The following TG variants were observed in gnomAD, a reference collection of about 807,000 sequenced individuals.
TG encodes the protein thyroid hormones.
A neutral mutation model predicts 324.7 loss-of-function variants in TG; 270 were observed. That is an observed-to-expected ratio of 0.83 (90% CI 0.75 to 0.92). The LOEUF (loss-of-function observed/expected upper bound fraction) is 0.92, where lower values mean the gene tolerates loss of function less well. TG is among the 40% of genes least tolerant of loss of function. The probability of loss-of-function intolerance (pLI) is 0.00; values close to 1 mark genes in which losing one functional copy is unlikely to be tolerated. For synonymous variants in TG, 1,401 were observed against 1,327.0 expected (o/e 1.06, Z -1.21); for missense variants, 3,591 against 3,456.4 (o/e 1.04, Z -0.98).
chr8:132,995,143 A>G (rs1457738885), intron 35 of TG: 1 of 971,700 alleles, frequency 1.0e-6, no homozygotes, highest in Middle Eastern at 5.3e-4. Flanking sequence ...TCTCTGTTCT[A>G]ATTCTATTCC....
intron 34 of TG, among the ~76,000 whole-genome samples, chr8:132,977,846 G>A (rs1830365661): frequency 6.6e-6 from 1 of 152,176 alleles, no homozygotes; most frequent in African/African-American, 2.4e-5. Flanking sequence ...CCCTGTTTCT[G>A]AGGAATTGCC....
chr8:132,886,512 A>G lies in TG; in HGVS notation c.1140A>G (p.Ser380=), dbSNP rs534691248. 16 of 1,614,172 alleles carry G rather than the reference A, an allele frequency of 9.9e-6. No individual in the cohort carries two copies. The East Asian group carries it at 3.6e-4, about 36-fold the overall frequency. Residue 380 remains serine, a synonymous_variant, in exon 9 of 48, where the codon TCA becomes TCG. Transcript: ENST00000220616. ...QALSRLYFGT[S]GYFSQHDLFS... ...TGTCCAGACTCTACTTTGGGACCTCAGGCTACTTCAGCCAGCACGACCTGT... is the reference window on the plus strand; with the variant it reads ...TGTCCAGACTCTACTTTGGGACCTCGGGCTACTTCAGCCAGCACGACCTGT...
chr8:132,937,984 G>A (rs1001892913), intron 25 of TG, among the ~76,000 whole-genome samples: 2 of 152,084 alleles, frequency 1.3e-5, no homozygotes, highest in Admixed American at 6.6e-5. Flanking sequence ...TCTAGACCCG[G>A]GTGGAGTGGA....
intron 41 of TG, among the ~76,000 whole-genome samples, chr8:133,071,342 C>A (rs1843994789): frequency 6.6e-6 from 1 of 152,216 alleles, no homozygotes; most frequent in Non-Finnish European, 1.5e-5. Flanking sequence ...GGAGGTGGTA[C>A]TGGAATCCAG....
chr8:132,964,304 A>G (rs1192712440), intron 29 of TG, among the ~76,000 whole-genome samples: 1 of 152,052 alleles, frequency 6.6e-6, no homozygotes, highest in East Asian at 1.9e-4. Flanking sequence ...CTTGGCCCCC[A>G]CTGGAGACCT....
chr8:132,958,686 A>AGCCTG (rs371134397), intron 27 of TG, among the ~76,000 whole-genome samples: 124,177 of 151,252 alleles, frequency 0.82, 51,179 homozygotes, highest in African/African-American at 0.88. Flanking sequence ...CTGCTGCACC[A>AGCCTG]GGCAACAGAG....
intron 35 of TG, among the ~76,000 whole-genome samples, chr8:133,007,576 G>C (rs372104367): frequency 1.3e-5 from 2 of 152,064 alleles, no homozygotes; most frequent in East Asian, 3.9e-4. Flanking sequence ...ATTATATTTG[G>C]GACTTGACCC....
At chr8:133,131,983 T>G (rs1188166972) in intron 46 of TG, 37 bp downstream of exon 46, 1 of 1,613,740 alleles carries the variant, frequency 6.2e-7, no homozygotes, top group African/African-American at 1.3e-5. Flanking sequence ...TCTGTCACTG[T>G]GCTTTTCCTC....
At chr8:132,899,025 C>A in intron 14 of TG, 115 bp downstream of exon 14, 1 of 959,248 alleles carries the variant, frequency 1.0e-6, no homozygotes, top group Non-Finnish European at 1.6e-6. Flanking sequence ...ATGTTCTCAG[C>A]CTGGGTGTTT....
At position 132,913,157 on chromosome 8, in the gene TG, T is replaced by C. The variant is rs776688425; in HGVS notation, c.4270T>C (p.Phe1424Leu). The change falls in exon 20 of 48, where the codon TTC (phenylalanine) becomes CTC (leucine). Residue 1424 changes from phenylalanine to leucine, a missense_variant. Phe to Leu is a conservative substitution (Grantham distance 22, BLOSUM62 0). Coordinates refer to ENST00000220616, the MANE Select transcript of TG (RefSeq NM_003235.5). ...SKTFPAETIR[F>L]LQGDHFGTSP... is the part of the protein sequence containing the mutation. ...GACGTTCCCAGCGGAAACCATCCGC[T>C]TCCTCCAAGGGGACCACTTTGGCAC... The C allele has an allele frequency of 2.5e-6, 4 of 1,614,040 alleles. No individual in the cohort carries two copies. Among genetic ancestry groups the C allele is most frequent in the African/African-American group, 1.3e-5 (1 of 74,922 alleles).
intron 41 of TG, among the ~76,000 whole-genome samples, chr8:133,042,686 T>C (rs1486527152): frequency 5.9e-5 from 7 of 118,416 alleles, no homozygotes; most frequent in African/African-American, 2.3e-4. Flanking sequence ...GTCTTTTTTT[T>C]TTTTTTTTTT....
intron 6 of TG, 81 bp from the exon 7 acceptor site, chr8:132,882,388 C>G: frequency 6.6e-7 from 1 of 1,516,870 alleles, no homozygotes; most frequent in South Asian, 1.1e-5. Flanking sequence ...GGCTGTCTCT[C>G]TCAGTATCTG....
At chr8:132,886,349 A>G in intron 8 of TG, 99 bp from the exon 9 acceptor site, 1 of 1,516,814 alleles carries the variant, frequency 6.6e-7, no homozygotes, top group Non-Finnish European at 9.1e-7. Context: ...TCCTTGATTG[A>G]ATGTTCTGGC....
intron 23 of TG, among the ~76,000 whole-genome samples, chr8:132,933,282 A>ATG (rs1446097575): frequency 1.5e-3 from 1 of 680 alleles, no homozygotes; most frequent in Non-Finnish European, 3.0e-3. Flanking sequence ...GTTTATTTGG[A>ATG]GGTATGTGTT....
intron 5 of TG, among the ~76,000 whole-genome samples, chr8:132,874,970 TGTA>T (rs1324397115): frequency 2.6e-5 from 4 of 152,198 alleles, no homozygotes; most frequent in African/African-American, 9.7e-5. Flanking sequence ...TGCCTGGTCC[TGTA>T]GCATTTGCCT....
At chr8:132,976,029 T>A (rs1447863470) in intron 34 of TG, among the ~76,000 whole-genome samples, 1 of 152,214 alleles carries the variant, frequency 6.6e-6, no homozygotes, top group Non-Finnish European at 1.5e-5. Context: ...ATATTCATTT[T>A]CCTTAGACAC....
chr8:132,966,280 G>A (rs1021785724), intron 29 of TG, among the ~76,000 whole-genome samples: 2 of 152,158 alleles, frequency 1.3e-5, no homozygotes, highest in African/African-American at 4.8e-5. Context: ...TAACTTCCAA[G>A]GCTTTATCCA....
chr8:133,134,557 A>C, intron 47 of TG, 119 bp from the exon 48 acceptor site: 2 of 934,608 alleles, frequency 2.1e-6, no homozygotes, highest in Non-Finnish European at 3.5e-6. Context: ...ATTCCCTCTA[A>C]AGGGCATTAG....
intron 26 of TG, among the ~76,000 whole-genome samples, chr8:132,946,030 AAT>A (rs200230757): frequency 0.011 from 1,239 of 108,752 alleles, 15 homozygotes; most frequent in African/African-American, 0.044. Context: ...AGATAGGAAA[AAT>A]ATGTTACACA....
Sources: gnomAD v4.1 joint callset for allele counts (sites outside exome capture counted in the v4.1 genomes callset) on GRCh38, gnomAD v4.1.1 for gene constraint, MANE v1.5 for transcripts, NCBI Gene and HGNC (gene_info 2026-07-23, HGNC 2026-07-21) for gene names.